AXL: variants seen among roughly 807,000 people sequenced by gnomAD.
AXL encodes the protein tyrosine-protein kinase receptor UFO.
AXL carries 52 observed loss-of-function variants against 104.5 expected under a neutral mutation model. That is an observed-to-expected ratio of 0.50 (90% CI 0.40 to 0.63). AXL has a LOEUF of 0.63. AXL is among the 20% of genes least tolerant of loss of function. The probability of loss-of-function intolerance (pLI) is 0.00; values close to 1 mark genes in which losing one functional copy is unlikely to be tolerated. For synonymous variants in AXL, 455 were observed against 473.7 expected (o/e 0.96, Z 0.51); for missense variants, 1,024 against 1,188.5 (o/e 0.86, Z 2.04).
intron 16 of AXL, among the ~76,000 whole-genome samples, 157 bp from the exon 17 acceptor site, chr19:41,253,442 A>G (rs1264598442): frequency 6.6e-6 from 1 of 152,170 alleles, no homozygotes; most frequent in Non-Finnish European, 1.5e-5. Flanking sequence ...GAGCAAGTTT[A>G]TAGGACCTTG....
Position 41,253,611 on chromosome 19 carries a change from CAG to C in AXL, c.1941_1942del (p.Gln647HisfsTer35), listed in dbSNP as rs1568418113. Reference sequence around the variant, plus strand: ...CTTGGCTCCCCAGTACCTGCCCACTCAGATGCTAGTGAAGTTCATGGCAGACA... The same window carrying C: ...CTTGGCTCCCCAGTACCTGCCCACTCATGCTAGTGAAGTTCATGGCAGACA... ...LGDQPVYLPTQMLVKFMADIA... is the reference protein window; with the variant it reads ...LGDQPVYLPTXMLVKFMADIA... On this transcript the variant is annotated frameshift_variant, in exon 17 of 20. Transcript: ENST00000301178. LOFTEE classifies it high-confidence loss of function. 1 of 1,613,558 alleles carries C rather than the reference CAG, an allele frequency of 6.2e-7. No homozygotes were observed. Among genetic ancestry groups the C allele is most frequent in the Non-Finnish European group, 8.5e-7 (1 of 1,179,806 alleles).
intron 4 of AXL, among the ~76,000 whole-genome samples, chr19:41,228,476 C>T (rs1307620058): frequency 1.3e-5 from 2 of 152,118 alleles, no homozygotes; most frequent in Admixed American, 1.3e-4. Flanking sequence ...ATGGCTTGAA[C>T]CCAGGAGGCA....
chr19:41,242,479 C>A (rs141544847), intron 10 of AXL, among the ~76,000 whole-genome samples: 328 of 151,942 alleles, frequency 2.2e-3, no homozygotes, highest in Non-Finnish European at 3.4e-3. Flanking sequence ...TGCACCACCA[C>A]CCCAGCTAAT....
chr19:41,243,239 C>T (rs918238162), intron 11 of AXL, among the ~76,000 whole-genome samples: 3 of 152,100 alleles, frequency 2.0e-5, no homozygotes, highest in African/African-American at 4.8e-5. Flanking sequence ...GCCAACATGG[C>T]GAAACCCTGT....
At chr19:41,239,532 CCCGTG>C (rs2034143371) in intron 9 of AXL, among the ~76,000 whole-genome samples, 157 bp from the exon 10 acceptor site, 1 of 151,846 alleles carries the variant, frequency 6.6e-6, no homozygotes, top group African/African-American at 2.4e-5. Flanking sequence ...CACTCCCTTA[CCCGTG>C]CCACACCCTC....
chr19:41,253,070 C>G, intron 16 of AXL, 103 bp downstream of exon 16: 7 of 1,295,998 alleles, frequency 5.4e-6, no homozygotes, highest in Non-Finnish European at 7.5e-6. Context: ...CAGGAGCTTG[C>G]TCTCCTGGAG....
In AXL at chr19:41,253,728, C is replaced by G. The variant is rs762099465; in HGVS notation, c.2036+20C>G. On this transcript the variant is annotated intron_variant, in intron 17 of 19. Transcript: ENST00000301178. Reference sequence around the variant, plus strand: ...CTGCATGTGAGTGCCTTTCAGGGACCCCCCCCCCCCAACTGCTCCTGCACT... The same window carrying G: ...CTGCATGTGAGTGCCTTTCAGGGACGCCCCCCCCCCAACTGCTCCTGCACT... 2.1e-4 allele frequency: 97 copies of G among 452,008 alleles called. No homozygotes were observed. Among genetic ancestry groups the G allele is most frequent in the Non-Finnish European group, 2.5e-4 (84 of 334,646 alleles). The allele number at this position is 452,008 out of a possible 1,614,324, so 28.0% of individuals were successfully genotyped here. A position where few individuals can be genotyped will look rare whatever the true frequency, so the allele number is the denominator to read the frequency against.
intron 17 of AXL, among the ~76,000 whole-genome samples, chr19:41,255,587 G>C (rs967782529): frequency 4.6e-5 from 7 of 151,932 alleles, no homozygotes; most frequent in African/African-American, 9.7e-5. Context: ...CTACAGACAT[G>C]TGCCACCATG....
Position 41,221,025 on chromosome 19 carries a change from G to A in AXL, c.309-121G>A, listed in dbSNP as rs2033781570. ...TCTTCTGCAAAATGAGTTAATAATAGGACATACTTCGTGGTTGTCATGAGC... is the reference window on the plus strand; with the variant it reads ...TCTTCTGCAAAATGAGTTAATAATAAGACATACTTCGTGGTTGTCATGAGC... On this transcript the variant is annotated intron_variant, in intron 2 of 19. Transcript: ENST00000301178. 4 of 1,157,250 alleles carry A rather than the reference G, an allele frequency of 3.5e-6. No homozygotes were observed. The Admixed American group carries it at 7.4e-5, about 21-fold the overall frequency. 71.7% of individuals were successfully genotyped at this position (1,157,250 alleles called of 1,614,324 possible). A position where few individuals can be genotyped will look rare whatever the true frequency, so the allele number is the denominator to read the frequency against.
At position 41,239,371 on chromosome 19, in the gene AXL, A is replaced by G. The variant is rs1193593821; in HGVS notation, c.1285+57A>G. ...ACCCTGTCTCTCCCTGACAGCCCTG[A>G]CTTACTCCTTGTACCTTTCAGTGTT... On this transcript the variant is annotated intron_variant, in intron 9 of 19. Transcript: ENST00000301178. 2.0e-6 allele frequency: 3 copies of G among 1,532,680 alleles called. No homozygotes were observed. In the African/African-American group the frequency reaches 4.2e-5, roughly 21 times the overall value. 94.9% of individuals were successfully genotyped at this position (1,532,680 alleles called of 1,614,324 possible). A position where few individuals can be genotyped will look rare whatever the true frequency, so the allele number is the denominator to read the frequency against.
In AXL at chr19:41,238,471, G is replaced by T. The variant is rs201262768; in HGVS notation, c.996G>T (p.Val332=). 6.2e-7 allele frequency: 1 copy of T among 1,608,942 alleles called. No individual in the cohort carries two copies. The highest frequency in any genetic ancestry group is 1.3e-5 in the African/African-American group (1 of 74,850). The part of the protein sequence containing the change: ...HWLPVETPEG[V]PLGPPENISA... ...CTTCCCCTCTTCCCTGTCCTCCAGT[G>T]CCCCTGGGCCCCCCTGAGAACATTA... The change falls in exon 8 of 20, where the codon GTG becomes GTT. Residue 332 remains valine (V), a splice_region_variant and synonymous_variant. Transcript: ENST00000301178.
intron 6 of AXL, among the ~76,000 whole-genome samples, chr19:41,231,627 A>T (rs996889213): frequency 5.3e-5 from 8 of 152,158 alleles, no homozygotes; most frequent in African/African-American, 1.9e-4. Context: ...GAACATAGGA[A>T]ACAAATTTAA....
At chr19:41,253,067 T>TCC in intron 16 of AXL, 100 bp downstream of exon 16, 5 of 1,334,236 alleles carry the variant, frequency 3.7e-6, no homozygotes, top group Non-Finnish European at 5.2e-6. Flanking sequence ...GACCAGGAGC[T>TCC]TGCTCTCCTG....
chr19:41,256,916 G>A (rs1389484832), intron 18 of AXL, among the ~76,000 whole-genome samples: 3 of 152,228 alleles, frequency 2.0e-5, no homozygotes, highest in Admixed American at 1.3e-4. Flanking sequence ...GACAGCCAGG[G>A]TGTGCAGAGT....
At chr19:41,247,752 T>G (rs2034294366) in intron 12 of AXL, among the ~76,000 whole-genome samples, 1 of 151,894 alleles carries the variant, frequency 6.6e-6, no homozygotes, top group South Asian at 2.1e-4. Flanking sequence ...CATGGCTAGC[T>G]TTTGTATTTT....
At chr19:41,244,561 C>T (rs1018113002) in intron 12 of AXL, among the ~76,000 whole-genome samples, 1 of 151,964 alleles carries the variant, frequency 6.6e-6, no homozygotes, top group Admixed American at 6.6e-5. Context: ...CTCACTGCAA[C>T]CTTCACCTCC....
intron 6 of AXL, among the ~76,000 whole-genome samples, chr19:41,236,331 T>TAAA (rs36010942): frequency 6.1e-4 from 62 of 102,074 alleles, no homozygotes; most frequent in Middle Eastern, 0.012. Flanking sequence ...AGACTCTGTC[T>TAAA]AAAAAAAAAA....
intron 4 of AXL, 112 bp downstream of exon 4, chr19:41,222,168 C>T (rs2033803186): frequency 8.5e-7 from 1 of 1,172,822 alleles, no homozygotes; most frequent in Non-Finnish European, 1.2e-6. Context: ...TTCTGTCCCT[C>T]ACTGTCTGTC....
At position 41,252,400 on chromosome 19, in the gene AXL, C is replaced by A. The variant is rs1279191328; in HGVS notation, c.1761C>A (p.Val587=). ...TGGAGGATTTCCTGAGTGAAGCGGT[C>A]TGCATGAAGGAATTTGACCATCCCA... ...SELEDFLSEA[V]CMKEFDHPNV... Residue 587 remains valine, a synonymous_variant, in exon 15 of 20, where the codon GTC becomes GTA. Coordinates refer to ENST00000301178, the MANE Select transcript of AXL (RefSeq NM_021913.5). The A allele has an allele frequency of 6.2e-7, 1 of 1,613,860 alleles. No homozygotes were observed. The highest frequency in any genetic ancestry group is 8.5e-7 in the Non-Finnish European group (1 of 1,180,004).
Sources: gnomAD v4.1 joint callset for allele counts (sites outside exome capture counted in the v4.1 genomes callset) on GRCh38, gnomAD v4.1.1 for gene constraint, MANE v1.5 for transcripts, NCBI Gene and HGNC (gene_info 2026-07-23, HGNC 2026-07-21) for gene names.